TAFA2: variants seen among roughly 807,000 people sequenced by gnomAD.
TAFA2 encodes TAFA chemokine like family member 2, also known as chemokine-like protein TAFA-2.
A neutral mutation model predicts 18.8 loss-of-function variants in TAFA2; 7 were observed. The ratio of observed to expected loss-of-function variants is 0.37; its 90% CI spans 0.21 to 0.70. TAFA2 has a LOEUF of 0.70. TAFA2 is among the 30% of genes least tolerant of loss of function. The pLI is 0.53. For missense variants in TAFA2, 122 were observed against 158.1 expected, an observed-to-expected ratio of 0.77 and a Z score of 1.23; for synonymous variants, 60 against 54.2, an observed-to-expected ratio of 1.11 and a Z score of -0.47.
Position 61,941,605 on chromosome 12 carries a change from G to T in TAFA2, c.-1-74179C>A, listed in dbSNP as rs560565798. Among the ~76,000 whole-genome samples the T allele has an allele frequency of 8.0e-3, 1,222 of 152,330 alleles. 14 individuals are homozygous for T. Among genetic ancestry groups the T allele is most frequent in the African/African-American group, 0.028 (1,179 of 41,578 alleles). ...AGGCCAGTGGGTGCGTGCACCGTGC[G>T]TGAGCCGAAGCAGGGCGAGGCATTG... On this transcript the variant is annotated intron_variant, in intron 1 of 4. Coordinates refer to ENST00000416284, the MANE Select transcript of TAFA2 (RefSeq NM_178539.5).
At chr12:62,255,475 C>G (rs2062933777) in intron 1 of TAFA2, among the ~76,000 whole-genome samples, 1 of 152,152 alleles carries the variant, frequency 6.6e-6, no homozygotes, top group Non-Finnish European at 1.5e-5. Context: ...ATATTCAGGA[C>G]CTGCAGAATA....
At chr12:61,864,896 G>C (rs1874287686) in intron 2 of TAFA2, among the ~76,000 whole-genome samples, 1 of 151,510 alleles carries the variant, frequency 6.6e-6, no homozygotes, top group Non-Finnish European at 1.5e-5. Context: ...TATCTTGAAT[G>C]CTCACCAAGG....
At chr12:61,851,097 A>T (rs1873624022) in intron 2 of TAFA2, among the ~76,000 whole-genome samples, 1 of 152,220 alleles carries the variant, frequency 6.6e-6, no homozygotes, top group East Asian at 1.9e-4. Context: ...GAAAGACATG[A>T]ATCTAACCTC....
At chr12:61,711,013 ATGT>A (rs1234462186) in intron 4 of TAFA2, among the ~76,000 whole-genome samples, 2 of 152,124 alleles carry the variant, frequency 1.3e-5, no homozygotes, top group African/African-American at 4.8e-5. Flanking sequence ...GAATAGAAAA[ATGT>A]TGTACCAAAT....
intron 1 of TAFA2, among the ~76,000 whole-genome samples, chr12:61,872,055 G>A (rs12302070): frequency 0.024 from 3,154 of 130,154 alleles, 109 homozygotes; most frequent in African/African-American, 0.086. Context: ...CTGCGCCACC[G>A]CACTCCATTT....
At chr12:62,226,052 C>T (rs1213992932) in intron 1 of TAFA2, among the ~76,000 whole-genome samples, 3 of 152,162 alleles carry the variant, frequency 2.0e-5, no homozygotes, top group Non-Finnish European at 1.5e-5. Context: ...ATACCCATTG[C>T]CTTCAAGAAG....
At chr12:62,184,943 C>T (rs528983637) in intron 1 of TAFA2, among the ~76,000 whole-genome samples, 1 of 152,268 alleles carries the variant, frequency 6.6e-6, no homozygotes, top group East Asian at 1.9e-4. Flanking sequence ...CCAGAGCTCT[C>T]GCCACTGCAC....
rs530009165 is a variant in TAFA2 at position 61,928,968 on chromosome 12, T to C, written c.-1-61542A>G. On this transcript the variant is annotated intron_variant, in intron 1 of 4. Transcript: ENST00000416284. Reference sequence around the variant, plus strand: ...GTGGGAGTTGAACAATGAGAACACATGGACACAGGGAGGGGAACATCACAC... The same window carrying C: ...GTGGGAGTTGAACAATGAGAACACACGGACACAGGGAGGGGAACATCACAC... Among the ~76,000 whole-genome samples the C allele has an allele frequency of 2.0e-5, 3 of 151,898 alleles. No homozygotes were observed. The East Asian group carries it at 5.8e-4, about 29-fold the overall frequency.
intron 1 of TAFA2, among the ~76,000 whole-genome samples, chr12:61,946,067 C>T (rs1878256530): frequency 7.4e-6 from 1 of 134,646 alleles, no homozygotes; most frequent in Non-Finnish European, 1.6e-5. Context: ...TACTACAAGG[C>T]TACAGTAACC....
chr12:62,159,417 T>C (rs2136928403), intron 1 of TAFA2, among the ~76,000 whole-genome samples: 1 of 152,250 alleles, frequency 6.6e-6, no homozygotes, highest in South Asian at 2.1e-4. Flanking sequence ...CTTAAGTATC[T>C]TGTAAGATGC....
chr12:61,723,810 T>C (rs1195276373), intron 4 of TAFA2, among the ~76,000 whole-genome samples: 4 of 152,122 alleles, frequency 2.6e-5, no homozygotes, highest in Non-Finnish European at 5.9e-5. Context: ...TCATTACAGT[T>C]AATATTTCAG....
chr12:61,748,720 G>T (rs1565619767), intron 4 of TAFA2, among the ~76,000 whole-genome samples: 2 of 151,960 alleles, frequency 1.3e-5, no homozygotes, highest in Admixed American at 1.3e-4. Context: ...ACAGTGAAAG[G>T]ATTAAAAACC....
chr12:62,039,714 C>T (rs956984700), intron 1 of TAFA2, among the ~76,000 whole-genome samples: 2 of 152,156 alleles, frequency 1.3e-5, no homozygotes, highest in Non-Finnish European at 2.9e-5. Flanking sequence ...ATGAACAATC[C>T]TGAGATGCAT....
chr12:62,207,296 G>C lies in TAFA2; in HGVS notation c.-130+51467C>G, dbSNP rs527638583. ...GTAATTAATATATTTCAATTTACAA[G>C]ATTAGGGAAAAATATATGGCCACAT... On this transcript the variant is annotated intron_variant, in intron 1 of 5. Coordinates refer to the TAFA2 transcript ENST00000551619. 6.6e-5 allele frequency: 10 copies of C among 152,280 alleles called. No homozygotes were observed. The East Asian group carries it at 1.9e-3, about 29-fold the overall frequency. The allele number at this position is 152,280 out of a possible 1,614,324, so 9.4% of individuals were successfully genotyped here.
chr12:62,102,569 T>C (rs923081085), intron 1 of TAFA2, among the ~76,000 whole-genome samples: 1 of 152,188 alleles, frequency 6.6e-6, no homozygotes, highest in Non-Finnish European at 1.5e-5. Flanking sequence ...GAAATGGTGA[T>C]TCCTGAGATC....
chr12:61,955,013 T>C (rs1363836772), intron 1 of TAFA2, among the ~76,000 whole-genome samples: 1 of 152,132 alleles, frequency 6.6e-6, no homozygotes, highest in African/African-American at 2.4e-5. Flanking sequence ...TGAATACTCT[T>C]ATATATCACC....
chr12:61,950,351 G>A (rs966407434), intron 1 of TAFA2, among the ~76,000 whole-genome samples: 11 of 152,210 alleles, frequency 7.2e-5, no homozygotes, highest in Admixed American at 2.0e-4. Context: ...ACTATTTTCC[G>A]TAGCTGCTGC....
In TAFA2 at chr12:61,782,712, A is replaced by C. The variant is rs117235202; in HGVS notation, c.107-27688T>G. Among the ~76,000 whole-genome samples the C allele has an allele frequency of 8.8e-3, 1,339 of 151,844 alleles. 15 individuals are homozygous for C. Among genetic ancestry groups the C allele is most frequent in the East Asian group, 0.043 (221 of 5,128 alleles). ...AAGGTTAAATTATAGGCCCCAAAAA[A>C]TAAATTTGCAAGGACTTTTTCCATC... On this transcript the variant is annotated intron_variant, in intron 2 of 4. Coordinates refer to ENST00000416284, the MANE Select transcript of TAFA2 (RefSeq NM_178539.5).
chr12:61,990,351 T>TG (rs1393653788), intron 1 of TAFA2, among the ~76,000 whole-genome samples: 71 of 147,776 alleles, frequency 4.8e-4, no homozygotes, highest in African/African-American at 1.5e-3. Flanking sequence ...TTTTTTTTTT[T>TG]TTTTTTGAGG....
Sources: gnomAD v4.1 joint callset for allele counts (sites outside exome capture counted in the v4.1 genomes callset) on GRCh38, gnomAD v4.1.1 for gene constraint, MANE v1.5 for transcripts, NCBI Gene and HGNC (gene_info 2026-07-23, HGNC 2026-07-21) for gene names.